The following GATAD2B variants were observed in gnomAD, a reference collection of about 807,000 sequenced individuals.
The protein encoded by GATAD2B is transcriptional repressor p66-beta.
A neutral mutation model predicts 64.3 loss-of-function variants in GATAD2B; 8 were observed. The ratio of observed to expected loss-of-function variants is 0.12; its 90% CI spans 0.07 to 0.22. GATAD2B has a LOEUF of 0.22. GATAD2B is among the 10% of genes least tolerant of loss of function. GATAD2B has a pLI of 1.00. For missense variants in GATAD2B, 453 were observed against 752.0 expected, an observed-to-expected ratio of 0.60 and a Z score of 4.65; for synonymous variants, 281 against 271.3, an observed-to-expected ratio of 1.04 and a Z score of -0.35.
intron 1 of GATAD2B, among the ~76,000 whole-genome samples, chr1:153,835,537 G>A (rs1675232547): frequency 6.6e-6 from 1 of 151,944 alleles, no homozygotes; most frequent in Non-Finnish European, 1.5e-5. Context: ...TGGGTGAGCA[G>A]TCATCCACAT....
At chr1:153,835,718 TTTA>T (rs966382230) in intron 1 of GATAD2B, among the ~76,000 whole-genome samples, 15 of 152,080 alleles carry the variant, frequency 9.9e-5, no homozygotes, top group African/African-American at 2.4e-4. Flanking sequence ...TAACTTTTAT[TTTA>T]TTATTATTAT....
At position 153,913,165 on chromosome 1, in the gene GATAD2B, C is replaced by T. The variant is rs986453886; in HGVS notation, c.-2+9568G>A. On this transcript the variant is annotated intron_variant, in intron 1 of 10. Transcript: ENST00000368655. ...CTGGTCTGGAACTGCTGACCTCAGGCGATCCACCCGCCTCAGCCTCCCAAA... is the reference window on the plus strand; with the variant it reads ...CTGGTCTGGAACTGCTGACCTCAGGTGATCCACCCGCCTCAGCCTCCCAAA... 2.6e-5 allele frequency among the ~76,000 whole-genome samples: 4 copies of T among 151,932 alleles called. No individual in the cohort carries two copies. In the South Asian group the frequency reaches 6.2e-4, roughly 24 times the overall value.
At chr1:153,853,144 T>A in intron 1 of GATAD2B, 2 of 1,429,188 alleles carry the variant, frequency 1.4e-6, no homozygotes, top group Non-Finnish European at 2.0e-6. Flanking sequence ...CTCTCCTCAA[T>A]CCTGTCTAGC....
At chr1:153,852,807 T>G in intron 1 of GATAD2B, 2 of 894,640 alleles carry the variant, frequency 2.2e-6, no homozygotes, top group South Asian at 2.7e-5. Flanking sequence ...TATCATATCC[T>G]TCAACTTTTT....
intron 1 of GATAD2B, among the ~76,000 whole-genome samples, chr1:153,861,528 C>T (rs1167188106): frequency 4.6e-5 from 7 of 151,416 alleles, no homozygotes; most frequent in African/African-American, 1.7e-4. Flanking sequence ...TGGCTCATGC[C>T]TGTAATCTCA....
At chr1:153,921,813 G>C (rs1191670472) in intron 1 of GATAD2B, 1 of 152,182 alleles carries the variant, frequency 6.6e-6, no homozygotes, top group Admixed American at 6.5e-5. Context: ...TTGATGCTGG[G>C]GAAGAATCCA....
chr1:153,886,851 G>C (rs562507763), intron 1 of GATAD2B, among the ~76,000 whole-genome samples: 1 of 152,064 alleles, frequency 6.6e-6, no homozygotes, highest in East Asian at 1.9e-4. Context: ...GAGCCACTGC[G>C]TCTGGCCGAA....
intron 1 of GATAD2B, among the ~76,000 whole-genome samples, chr1:153,838,129 A>ATTTC (rs2101899056): frequency 6.6e-6 from 1 of 152,312 alleles, no homozygotes; most frequent in East Asian, 1.9e-4. Context: ...GAATTACAAC[A>ATTTC]CAGGTCTAGC....
chr1:153,921,354 T>C (rs1678423175), intron 1 of GATAD2B, among the ~76,000 whole-genome samples: 1 of 152,200 alleles, frequency 6.6e-6, no homozygotes, highest in Non-Finnish European at 1.5e-5. Flanking sequence ...TACAACCACA[T>C]GCATGCTTTT....
intron 1 of GATAD2B, among the ~76,000 whole-genome samples, chr1:153,904,698 GGCCCA>G (rs1677873572): frequency 6.6e-6 from 1 of 151,732 alleles, no homozygotes; most frequent in Non-Finnish European, 1.5e-5. Context: ...TGTGCCACCA[GGCCCA>G]GCTAATTTTT....
chr1:153,880,138 C>T (rs942209818), intron 1 of GATAD2B, among the ~76,000 whole-genome samples: 3 of 152,170 alleles, frequency 2.0e-5, no homozygotes, highest in Non-Finnish European at 4.4e-5. Flanking sequence ...TCTCCCCCAC[C>T]CACCCCTGTA....
At chr1:153,811,546 G>C in intron 10 of GATAD2B, 185 bp downstream of exon 10, 1 of 677,452 alleles carries the variant, frequency 1.5e-6, no homozygotes, top group Non-Finnish European at 2.6e-6. Context: ...CAAAACCCTA[G>C]TGCATTGTGG....
At chr1:153,914,227 CAAA>C (rs759245034) in intron 1 of GATAD2B, among the ~76,000 whole-genome samples, 18,241 of 63,588 alleles carry the variant, frequency 0.29, 653 homozygotes, top group South Asian at 0.37. Context: ...CCCAGACTCT[CAAA>C]AAAAAAAAAA....
At chr1:153,873,700 T>C (rs1193618433) in intron 1 of GATAD2B, among the ~76,000 whole-genome samples, 2 of 152,226 alleles carry the variant, frequency 1.3e-5, no homozygotes, top group Non-Finnish European at 2.9e-5. Context: ...CCCAGCACTT[T>C]TGAGAGGCCA....
intron 1 of GATAD2B, among the ~76,000 whole-genome samples, chr1:153,836,394 G>A (rs1315762110): frequency 6.6e-6 from 1 of 151,488 alleles, no homozygotes; most frequent in African/African-American, 2.4e-5. Context: ...GAGATTACAG[G>A]TGTTCGCCAC....
At chr1:153,862,118 C>CTTTTTT (rs754580519) in intron 1 of GATAD2B, among the ~76,000 whole-genome samples, 5 of 101,178 alleles carry the variant, frequency 4.9e-5, no homozygotes, top group Non-Finnish European at 9.6e-5. Flanking sequence ...ACATTATATC[C>CTTTTTT]TTTTTTTTTT....
chr1:153,879,595 T>G (rs1676945426), intron 1 of GATAD2B, among the ~76,000 whole-genome samples: 2 of 151,720 alleles, frequency 1.3e-5, no homozygotes, highest in Non-Finnish European at 2.9e-5. Flanking sequence ...AAACCCCGTC[T>G]CTACTAAAAA....
intron 2 of GATAD2B, among the ~76,000 whole-genome samples, chr1:153,819,967 G>A (rs554735017): frequency 7.2e-5 from 11 of 151,998 alleles, no homozygotes; most frequent in African/African-American, 2.2e-4. Context: ...GCATGGCGGC[G>A]CGCACCTGTA....
At chr1:153,849,263 T>A (rs1212499473) in intron 1 of GATAD2B, among the ~76,000 whole-genome samples, 1 of 152,210 alleles carries the variant, frequency 6.6e-6, no homozygotes. Flanking sequence ...CTTCTTGCCA[T>A]CTAATAACAT....
Sources: gnomAD v4.1 joint callset for allele counts (sites outside exome capture counted in the v4.1 genomes callset) on GRCh38, gnomAD v4.1.1 for gene constraint, MANE v1.5 for transcripts, NCBI Gene and HGNC (gene_info 2026-07-23, HGNC 2026-07-21) for gene names.